Variants in RNPC3 observed in about 807,000 individuals in gnomAD.
The protein encoded by RNPC3 is RNA binding region (RNP1, RRM) containing 3.
A neutral mutation model predicts 67.5 loss-of-function variants in RNPC3; 48 were observed. The observed-to-expected ratio is 0.71, with a 90% CI of 0.56 to 0.90. The LOEUF is 0.90. Ranked by LOEUF, RNPC3 falls within the 40% of genes least tolerant of loss-of-function variation. The pLI is 0.00. For synonymous variants in RNPC3, 239 were observed against 210.3 expected (o/e 1.14, Z -1.18); for missense variants, 637 against 626.1 (o/e 1.02, Z -0.19).
At position 103,537,375 on chromosome 1, in the gene RNPC3, C is replaced by A; in HGVS notation, c.658C>A (p.Pro220Thr). 2 of 1,535,778 alleles carry A rather than the reference C, an allele frequency of 1.3e-6. No individual in the cohort carries two copies. Among genetic ancestry groups the A allele is most frequent in the Non-Finnish European group, 1.7e-6 (2 of 1,146,370 alleles). The change falls in exon 7 of 15, where the codon CCA becomes ACA. Residue 220 changes from proline (P) to threonine (T), a missense_variant. Transcript: ENST00000423855. ...EDYMPLHAPL[P>T]PTSPQPPEEP... is the part of the protein sequence containing the mutation. ...CTATATGCCATTGCATGCACCTCTT[C>A]CACCCACATCTCCTCAGCCACCTGA...
chr1:103,536,342 G>A, intron 6 of RNPC3, 148 bp downstream of exon 6: 1 of 578,812 alleles, frequency 1.7e-6, no homozygotes, highest in East Asian at 2.8e-5. Context: ...TAGTAGAACT[G>A]AGAACTGTTA....
intron 2 of RNPC3, among the ~76,000 whole-genome samples, chr1:103,531,208 T>TTATA (rs753430538): frequency 6.6e-6 from 1 of 151,652 alleles, no homozygotes. Flanking sequence ...GTATTCCATG[T>TTATA]TATATATATA....
chr1:103,540,573 C>A (rs752014871), intron 7 of RNPC3, among the ~76,000 whole-genome samples: 17 of 152,058 alleles, frequency 1.1e-4, no homozygotes, highest in Non-Finnish European at 1.9e-4. Context: ...TAAATTACAG[C>A]ATATGTTTTC....
chr1:103,533,596 G>A (rs1650912343), intron 2 of RNPC3, 143 bp from the exon 3 acceptor site: 1 of 617,232 alleles, frequency 1.6e-6, no homozygotes, highest in Non-Finnish European at 2.9e-6. Flanking sequence ...AGGCTTGATA[G>A]CCTGAGATTA....
chr1:103,547,939 G>A (rs1207689976), intron 12 of RNPC3, among the ~76,000 whole-genome samples: 1 of 152,118 alleles, frequency 6.6e-6, no homozygotes, highest in Non-Finnish European at 1.5e-5. Context: ...TCTGTGCACT[G>A]GCAGGCTTAT....
chr1:103,548,560 C>T (rs1426804900), intron 12 of RNPC3, among the ~76,000 whole-genome samples: 1 of 152,186 alleles, frequency 6.6e-6, no homozygotes, highest in African/African-American at 2.4e-5. Flanking sequence ...ACCACCTCAG[C>T]CTGTATTTCA....
rs1186932479 is a variant in RNPC3, at chr1:103,537,466, A to G, written c.749A>G (p.Asp250Gly). The G allele has an allele frequency of 3.3e-6, 5 of 1,536,320 alleles. No homozygotes were observed. ...GAAGAATCAGAATATGAAAGCACTG[A>G]TGATGAGGACCGACAGAGGTTTGTA... ...SSEESEYESTDDEDRQRMNKL... is the reference protein window; with the variant it reads ...SSEESEYESTGDEDRQRMNKL... The change falls in exon 7 of 15, where the codon GAT becomes GGT. Residue 250 changes from aspartate (D) to glycine (G), a missense_variant. By Grantham distance (94) the Asp-to-Gly change is moderately conservative (BLOSUM62 -1). Around this residue, in one of 3 missense-constraint regions of RNPC3, gnomAD observed 536 missense variants for 500.3 expected, o/e 1.07. Coordinates refer to ENST00000423855, the MANE Select transcript of RNPC3 (RefSeq NM_017619.4).
intron 7 of RNPC3, among the ~76,000 whole-genome samples, chr1:103,538,411 C>A (rs1298262816): frequency 6.6e-6 from 1 of 152,118 alleles, no homozygotes; most frequent in East Asian, 1.9e-4. Context: ...TGTTCCTGAG[C>A]TCAAGAACGC....
intron 13 of RNPC3, chr1:103,551,367 G>A: frequency 5.5e-6 from 2 of 364,762 alleles, no homozygotes; most frequent in Non-Finnish European, 4.9e-6. Flanking sequence ...AAGTACATTT[G>A]GAGTCATAAA....
rs560035069 is a variant in RNPC3, at chr1:103,543,473, T to C, written c.1045+26T>C. ...GTAAGGATATTCTAGTTATTTCACA[T>C]GCTGAAATCAACTTATTGTGTTAGA... On this transcript the variant is annotated intron_variant, in intron 9 of 14. Transcript: ENST00000423855. The C allele has an allele frequency of 3.8e-5, 53 of 1,398,104 alleles. No homozygotes were observed. The East Asian group carries it at 7.1e-4, about 19-fold the overall frequency. The allele number at this position is 1,398,104 out of a possible 1,614,324, so 86.6% of individuals were successfully genotyped here.
chr1:103,540,334 A>G (rs1159494965), intron 7 of RNPC3, among the ~76,000 whole-genome samples: 3 of 152,200 alleles, frequency 2.0e-5, no homozygotes, highest in Non-Finnish European at 4.4e-5. Flanking sequence ...GATCTCACGT[A>G]TATGCAAATA....
chr1:103,550,129 A>G (rs1471262897), intron 12 of RNPC3, among the ~76,000 whole-genome samples: 1 of 152,020 alleles, frequency 6.6e-6, no homozygotes, highest in African/African-American at 2.4e-5. Context: ...ACGCCACTGC[A>G]CTCCAGCCTG....
intron 10 of RNPC3, 26 bp from the exon 11 acceptor site, chr1:103,546,222 A>G: frequency 1.8e-6 from 2 of 1,086,958 alleles, no homozygotes; most frequent in South Asian, 2.1e-5. Context: ...TTAATTTTAT[A>G]TCTTTGTTTT....
At chr1:103,533,668 TAAAAATTGGTCTCTAACG>T (rs1650915847) in intron 2 of RNPC3, 53 bp from the exon 3 acceptor site, 1 of 776,874 alleles carries the variant, frequency 1.3e-6, no homozygotes, top group Non-Finnish European at 2.1e-6. Flanking sequence ...AAAAAAAGTA[TAAAAATTGGTCTCTAACG>T]AATCATTTTT....
intron 7 of RNPC3, among the ~76,000 whole-genome samples, chr1:103,540,678 A>G (rs1651105417): frequency 6.6e-6 from 1 of 152,070 alleles, no homozygotes; most frequent in Admixed American, 6.6e-5. Flanking sequence ...TACAAATACC[A>G]CCCTGAGAAG....
At position 103,541,344 on chromosome 1, in the gene RNPC3, T is replaced by C. The variant is rs1191827779; in HGVS notation, c.768-6T>C. 6.6e-7 allele frequency: 1 copy of C among 1,506,490 alleles called. No homozygotes were observed. Among genetic ancestry groups the C allele is most frequent in the Non-Finnish European group, 8.8e-7 (1 of 1,135,890 alleles). 93.3% of individuals were successfully genotyped at this position (1,506,490 alleles called of 1,614,324 possible). On this transcript the variant is annotated splice_polypyrimidine_tract_variant and splice_region_variant and intron_variant, in intron 7 of 14. Transcript: ENST00000423855. ...ATTTTGTTTATCATCCCTCTCCTCA[T>C]TGTAGAATGAACAAATTAATGGAAC...
Position 103,547,152 on chromosome 1 carries a change from G to A in RNPC3, c.1361+117G>A, listed in dbSNP as rs530927134. 78 of 596,960 alleles carry A rather than the reference G, an allele frequency of 1.3e-4. No homozygotes were observed. In the East Asian group the frequency reaches 1.4e-3, roughly 11 times the overall value. The allele number at this position is 596,960 out of a possible 1,614,324, so 37.0% of individuals were successfully genotyped here. On this transcript the variant is annotated intron_variant, in intron 12 of 14. Transcript: ENST00000423855. ...AGATAAAAATTATATGAAAAAGTTC[G>A]TCTATTCTGTTGCACAATTAATCTT...
Position 103,525,920 on chromosome 1 carries a change from C to T in RNPC3, c.-151C>T, listed in dbSNP as rs1650689806. On this transcript the variant is annotated 5_prime_UTR_variant, in exon 1 of 15. Transcript: ENST00000423855. The stretch of plus-strand genomic sequence containing the variant: ...GTTGCCGCTTTTCGGTGGCGCAGTT[C>T]TCGCGAGAAGGTGACTTTCTTTCTC... 1.5e-6 allele frequency: 1 copy of T among 657,252 alleles called. No individual in the cohort carries two copies. The highest frequency in any genetic ancestry group is 3.0e-5 in the Admixed American group (1 of 33,088). 40.7% of individuals were successfully genotyped at this position (657,252 alleles called of 1,614,324 possible).
At chr1:103,530,151 C>T (rs1650814709) in intron 2 of RNPC3, among the ~76,000 whole-genome samples, 1 of 149,308 alleles carries the variant, frequency 6.7e-6, no homozygotes, top group Non-Finnish European at 1.5e-5. Flanking sequence ...TATTAAGTAC[C>T]TACTATGTGC....
Sources: allele counts gnomAD v4.1 joint callset (sites outside exome capture counted in the v4.1 genomes callset), GRCh38; gene constraint gnomAD v4.1.1; regional missense constraint gnomAD v4.1.1; transcripts MANE v1.5; gene names NCBI Gene and HGNC (gene_info 2026-07-23, HGNC 2026-07-21).